EXOC7: variants seen among roughly 807,000 people sequenced by gnomAD.
EXOC7 encodes the protein exocyst complex component 7, also known as exocyst complex component Exo70.
EXOC7 carries 51 observed loss-of-function variants against 87.6 expected under a neutral mutation model. That is an observed-to-expected ratio of 0.58 (90% CI 0.46 to 0.73). EXOC7 has a LOEUF of 0.73. Ranked by LOEUF, EXOC7 falls within the 30% of genes least tolerant of loss-of-function variation. The pLI is 0.00. For synonymous variants in EXOC7, 327 were observed against 357.1 expected (o/e 0.92, Z 0.95); for missense variants, 744 against 888.4 (o/e 0.84, Z 2.07).
intron 5 of EXOC7, among the ~76,000 whole-genome samples, chr17:76,095,655 T>C (rs898334191): frequency 3.3e-5 from 5 of 152,098 alleles, no homozygotes; most frequent in African/African-American, 1.2e-4. Context: ...CAAAAATTAA[T>C]GAAGAACAAA....
rs936958016 is a variant in EXOC7, at chr17:76,101,567, A to C, written c.311+112T>G. 2.9e-6 allele frequency: 4 copies of C among 1,394,308 alleles called. No individual in the cohort carries two copies. The Admixed American group carries it at 6.4e-5, about 22-fold the overall frequency. 86.4% of individuals were successfully genotyped at this position (1,394,308 alleles called of 1,614,324 possible). A position where few individuals can be genotyped will look rare whatever the true frequency, so the allele number is the denominator to read the frequency against. ...TTGTCCAGACTGGTCTTGAACTCCTAGTCTCAAGCGATCCTCCCACCTCAG... is the reference window on the plus strand; with the variant it reads ...TTGTCCAGACTGGTCTTGAACTCCTCGTCTCAAGCGATCCTCCCACCTCAG... On this transcript the variant is annotated intron_variant, in intron 3 of 18. Transcript: ENST00000589210.
At chr17:76,089,036 C>T (rs542205529) in intron 8 of EXOC7, 113 bp from the exon 9 acceptor site, 89 of 1,472,860 alleles carry the variant, frequency 6.0e-5, no homozygotes, top group Admixed American at 4.6e-4. Flanking sequence ...AGAGGGGTGA[C>T]GGGGAGGTGG....
rs770106424 is a variant in EXOC7, at chr17:76,084,541, T to C, written c.1752A>G (p.Leu584=). 1.6e-5 allele frequency: 26 copies of C among 1,613,782 alleles called. No individual in the cohort carries two copies. The Admixed American group carries it at 3.7e-4, about 23-fold the overall frequency. Residue 584 remains leucine, a synonymous_variant, in exon 16 of 19, where the codon CTA becomes CTG. Coordinates refer to ENST00000589210, the MANE Select transcript of EXOC7 (RefSeq NM_001013839.4). The part of the protein sequence containing the change: ...KVTDYIAEKN[L]PVFQPGVKLR... Reference sequence around the variant, plus strand: ...CCTTGACTCCCGGCTGGAACACAGGTAGATTCTTCTCTGCGATGTAATCAG... The same window carrying C: ...CCTTGACTCCCGGCTGGAACACAGGCAGATTCTTCTCTGCGATGTAATCAG...
Position 76,087,647 on chromosome 17 carries a change from C to T in EXOC7, c.1429+7G>A, listed in dbSNP as rs547549946. 142 of 1,550,984 alleles carry T rather than the reference C, an allele frequency of 9.2e-5. 1 individual carries two copies. In the South Asian group the frequency reaches 1.6e-3, roughly 17 times the overall value. On this transcript the variant is annotated splice_region_variant and intron_variant, in intron 12 of 18. Transcript: ENST00000589210. ...GGGCAGGGGGCCCAACTGGGAGGTA[C>T]CAGTACCTTGGGAGGCCAGCATGGC...
At position 76,087,732 on chromosome 17, in the gene EXOC7, G is replaced by T. The variant is rs761788315; in HGVS notation, c.1363-12C>A. On this transcript the variant is annotated splice_polypyrimidine_tract_variant and intron_variant, in intron 11 of 18. Transcript: ENST00000589210. ...AGGAAGAGGATGGCCTGGGTGGGAA[G>T]AAAACGGTGCAGAAGGGCAAGTGGC... is the stretch of plus-strand genomic sequence containing the variant. The T allele has an allele frequency of 2.6e-6, 4 of 1,550,698 alleles. No homozygotes were observed. In the African/African-American group the frequency reaches 5.5e-5, roughly 21 times the overall value.
chr17:76,084,097 C>T lies in EXOC7; in HGVS notation c.1861G>A (p.Ala621Thr). ...TGCTCTGTGTCTGGAATAGCCCAGG[C>T]CTTCTGGATTTTGCACAGTTCTTCG... ...GLEELCKIQK[A>T]WAIPDTEQRD... Residue 621 changes from alanine (A) to threonine (T), a missense_variant, in exon 18 of 19, where the codon GCC becomes ACC. Ala to Thr is a moderately conservative substitution (Grantham distance 58, BLOSUM62 0). Transcript: ENST00000589210. 6.2e-7 allele frequency: 1 copy of T among 1,608,744 alleles called. No individual in the cohort carries two copies. Among genetic ancestry groups the T allele is most frequent in the Non-Finnish European group, 8.5e-7 (1 of 1,178,342 alleles).
At chr17:76,091,103 T>G in intron 7 of EXOC7, 40 bp downstream of exon 7, 1 of 1,560,356 alleles carries the variant, frequency 6.4e-7, no homozygotes, top group Non-Finnish European at 8.8e-7. Context: ...GGACACACAG[T>G]GGAGGAGGAA....
At chr17:76,099,841 G>A (rs926950271) in intron 4 of EXOC7, among the ~76,000 whole-genome samples, 7 of 152,150 alleles carry the variant, frequency 4.6e-5, no homozygotes, top group Non-Finnish European at 7.3e-5. Context: ...GGTAATGCCC[G>A]TAATCCCTCC....
At position 76,081,920 on chromosome 17, in the gene EXOC7, A is replaced by T. The variant is rs1305422055; in HGVS notation, c.*1728T>A. ...CATCCTGCTGCTGCTGCTCTTCCTC[A>T]GCACCATAGAGACTGTGCTGCTGGC... On this transcript the variant is annotated 3_prime_UTR_variant, in exon 19 of 19. Coordinates refer to ENST00000589210, the MANE Select transcript of EXOC7 (RefSeq NM_001013839.4). The T allele has an allele frequency of 1.5e-5, 24 of 1,612,096 alleles. No homozygotes were observed. The highest frequency in any genetic ancestry group is 2.0e-5 in the Non-Finnish European group (24 of 1,179,046).
rs2067286622 is a variant in EXOC7, at chr17:76,087,919, C to T, written c.1362+141G>A. 14 of 1,020,044 alleles carry T rather than the reference C, an allele frequency of 1.4e-5. No individual in the cohort carries two copies. The South Asian group carries it at 1.7e-4, about 13-fold the overall frequency. 63.2% of individuals were successfully genotyped at this position (1,020,044 alleles called of 1,614,324 possible). ...AGACACTAAACATGTCACTGTCCAT[C>T]CTGCCACCCAGGACTGCTCACAAAG... On this transcript the variant is annotated intron_variant, in intron 11 of 18. Transcript: ENST00000589210.
In EXOC7 at chr17:76,085,575, C is replaced by T. The variant is rs146872206; in HGVS notation, c.1616+102G>A. ...GGAGGAGACTGAAGCACCCCCTCCC[C>T]TCTCGTCCACAAGAGAAGGAGCCCA... On this transcript the variant is annotated intron_variant, in intron 14 of 18. Coordinates refer to ENST00000589210, the MANE Select transcript of EXOC7 (RefSeq NM_001013839.4). 96 of 1,582,822 alleles carry T rather than the reference C, an allele frequency of 6.1e-5. 1 individual carries two copies. In the African/African-American group the frequency reaches 1.1e-3, roughly 18 times the overall value.
chr17:76,083,471 G>T lies in EXOC7; in HGVS notation c.*177C>A. 2 of 630,134 alleles carry T rather than the reference G, an allele frequency of 3.2e-6. No individual in the cohort carries two copies. Among genetic ancestry groups the T allele is most frequent in the East Asian group, 2.8e-5 (1 of 36,002 alleles). 39.0% of individuals were successfully genotyped at this position (630,134 alleles called of 1,614,324 possible). A position where few individuals can be genotyped will look rare whatever the true frequency, so the allele number is the denominator to read the frequency against. On this transcript the variant is annotated 3_prime_UTR_variant, in exon 19 of 19. Coordinates refer to ENST00000589210, the MANE Select transcript of EXOC7 (RefSeq NM_001013839.4). ...GCTGGTTCGGCTGGGAACACGGGCTGTGGGGAAAAAGCAGGAGCCAGGACT... is the reference window on the plus strand; with the variant it reads ...GCTGGTTCGGCTGGGAACACGGGCTTTGGGGAAAAAGCAGGAGCCAGGACT...
chr17:76,098,088 C>T (rs2067867341), intron 4 of EXOC7, 70 bp from the exon 5 acceptor site: 1 of 1,376,182 alleles, frequency 7.3e-7, no homozygotes, highest in African/African-American at 1.4e-5. Flanking sequence ...CTTCCCCTGC[C>T]TGTGCCAGCT....
chr17:76,101,956 G>C (rs895090892), intron 2 of EXOC7, 93 bp from the exon 3 acceptor site: 3 of 1,059,638 alleles, frequency 2.8e-6, no homozygotes, highest in Admixed American at 5.3e-5. Flanking sequence ...CTTTTCTCTG[G>C]TTTTCTAGAC....
intron 4 of EXOC7, among the ~76,000 whole-genome samples, chr17:76,100,751 G>A (rs1037900443): frequency 3.9e-5 from 6 of 152,160 alleles, no homozygotes; most frequent in African/African-American, 1.4e-4. Context: ...CCAGGCCAAG[G>A]CGGGGGATCA....
intron 6 of EXOC7, 147 bp downstream of exon 6, chr17:76,094,267 G>C: frequency 1.2e-6 from 1 of 813,406 alleles, no homozygotes; most frequent in South Asian, 2.1e-5. Flanking sequence ...GTAGACACTT[G>C]CTTTCTGTCC....
chr17:76,088,910 C>T lies in EXOC7; in HGVS notation c.1061G>A (p.Gly354Glu). 1 of 1,613,184 alleles carries T rather than the reference C, an allele frequency of 6.2e-7. No homozygotes were observed. The highest frequency in any genetic ancestry group is 1.7e-5 in the Admixed American group (1 of 60,010). Residue 354 changes from glycine (G) to glutamate (E), a missense_variant, in exon 9 of 19, where the codon GGG becomes GAG. This residue lies in a region of EXOC7 where 512 missense variants were observed against 573.0 expected (regional missense o/e 0.89). Coordinates refer to ENST00000589210, the MANE Select transcript of EXOC7 (RefSeq NM_001013839.4). ...FDSLIQDALD[G>E]LMLEGENIVS... The stretch of plus-strand genomic sequence containing the variant: ...GATGTTCTCCCCTTCAAGCATCAGC[C>T]CATCCAGGGCATCCTGAGGGGGCAG...
chr17:76,089,577 C>G (rs185170854), intron 7 of EXOC7: 4 of 548,814 alleles, frequency 7.3e-6, no homozygotes, highest in Non-Finnish European at 1.3e-5. Context: ...ACACCAGAGG[C>G]AGGAGAGTGA....
In EXOC7 at chr17:76,094,483, C is replaced by T. The variant is rs145623846; in HGVS notation, c.739G>A (p.Val247Ile). The T allele has an allele frequency of 8.7e-4, 1,399 of 1,614,106 alleles. 1 individual carries two copies. The highest frequency in any genetic ancestry group is 1.0e-3 in the Non-Finnish European group (1,207 of 1,180,020). Residue 247 changes from valine to isoleucine, a missense_variant, in exon 6 of 19, where the codon GTT becomes ATT. Val to Ile is a conservative substitution (Grantham distance 29). Coordinates refer to ENST00000589210, the MANE Select transcript of EXOC7 (RefSeq NM_001013839.4). ...HFHKSSSSSGVPYSPAIPNKR... is the reference protein window; with the variant it reads ...HFHKSSSSSGIPYSPAIPNKR... Reference sequence around the variant, plus strand: ...TTGGGGATAGCAGGGGAGTAGGGAACCCCAGAGGAAGAACTGCTCTTATGG... The same window carrying T: ...TTGGGGATAGCAGGGGAGTAGGGAATCCCAGAGGAAGAACTGCTCTTATGG...
Sources: gnomAD v4.1 joint callset for allele counts (sites outside exome capture counted in the v4.1 genomes callset) on GRCh38, gnomAD v4.1.1 for gene constraint, gnomAD v4.1.1 regional missense constraint, MANE v1.5 for transcripts, NCBI Gene and HGNC (gene_info 2026-07-23, HGNC 2026-07-21) for gene names.